TMEM233: variants seen among roughly 807,000 people sequenced by gnomAD.
TMEM233 encodes transmembrane protein 233.
Under a neutral mutation model 11.2 loss-of-function variants are expected in TMEM233, and 6 were observed. The observed-to-expected ratio is 0.54, with a 90% CI of 0.29 to 1.06. The LOEUF (loss-of-function observed/expected upper bound fraction) is 1.06, where lower values mean the gene tolerates loss of function less well. Ranked by LOEUF, TMEM233 falls within the 50% of genes least tolerant of loss-of-function variation. The probability of loss-of-function intolerance (pLI) is 0.08; values close to 1 mark genes in which losing one functional copy is unlikely to be tolerated. For missense variants in TMEM233, 127 were observed against 144.7 expected (o/e 0.88, Z 0.63); for synonymous variants, 59 against 55.8 (o/e 1.06, Z -0.26).
chr12:119,625,297 CAAGG>C (rs1371765858), intron 1 of TMEM233, among the ~76,000 whole-genome samples: 1 of 151,950 alleles, frequency 6.6e-6, no homozygotes, highest in Non-Finnish European at 1.5e-5. Flanking sequence ...ATTTCAGAAT[CAAGG>C]AAGAGGTTCT....
intron 2 of TMEM233, among the ~76,000 whole-genome samples, chr12:119,637,143 C>CT (rs1391253935): frequency 1.3e-5 from 2 of 152,124 alleles, no homozygotes; most frequent in South Asian, 2.1e-4. Context: ...TAAACAGTTG[C>CT]TTTTTTTGTT....
chr12:119,629,861 C>A lies in TMEM233; in HGVS notation c.312C>A (p.His104Gln), dbSNP rs1164827842. The A allele has an allele frequency of 1.9e-6, 3 of 1,550,478 alleles. No individual in the cohort carries two copies. Among genetic ancestry groups the A allele is most frequent in the Non-Finnish European group, 2.6e-6 (3 of 1,146,664 alleles). The change falls in exon 2 of 3, where the codon CAC (histidine) becomes CAA (glutamine). Residue 104 changes from histidine to glutamine, a missense_variant. Physicochemically the swap from His to Gln is conservative, Grantham distance 24. Coordinates refer to ENST00000426426, the MANE Select transcript of TMEM233 (RefSeq NM_001136534.3). ...LLIIGISCAVHFTRNA is the reference protein window; with the variant it reads ...LLIIGISCAVQFTRNA ...TCATCGGCATTTCTTGTGCAGTTCA[C>A]TTCACAAGGAAGTAAGTAGGCTTTT...
rs534135959 is a variant in TMEM233 at position 119,637,945 on chromosome 12, C to G, written c.324-2754C>G. 9.9e-4 allele frequency among the ~76,000 whole-genome samples: 151 copies of G among 152,008 alleles called. 2 individuals are homozygous for G. The highest frequency in any genetic ancestry group is 4.0e-3 in the Admixed American group (61 of 15,280). ...AAAGATGGGTAATATCAAGGTTGACCAGGATGTGAAAAATTTGACACTATA... is the reference window on the plus strand; with the variant it reads ...AAAGATGGGTAATATCAAGGTTGACGAGGATGTGAAAAATTTGACACTATA... On this transcript the variant is annotated intron_variant, in intron 2 of 2. Transcript: ENST00000426426.
At chr12:119,635,531 C>T (rs947602543) in intron 2 of TMEM233, among the ~76,000 whole-genome samples, 1 of 152,174 alleles carries the variant, frequency 6.6e-6, no homozygotes, top group African/African-American at 2.4e-5. Flanking sequence ...CAGCTGTGAG[C>T]AGGTGTGTTT....
At chr12:119,609,356 A>G (rs1189318135) in intron 1 of TMEM233, among the ~76,000 whole-genome samples, 1 of 152,252 alleles carries the variant, frequency 6.6e-6, no homozygotes, top group East Asian at 1.9e-4. Context: ...GAAAATTTGC[A>G]GCCCAGCAAT....
Position 119,614,642 on chromosome 12 carries a change from G to T in TMEM233, c.187-15094G>T, listed in dbSNP as rs367926884. ...TAATTATCCTAAGGGCTTTGTGGAT[G>T]GATGCACTAACTTTTGGTTACATTT... On this transcript the variant is annotated intron_variant, in intron 1 of 2. Transcript: ENST00000426426. Among the ~76,000 whole-genome samples, 16 of 152,230 alleles carry T rather than the reference G, an allele frequency of 1.1e-4. No homozygotes were observed. The South Asian group carries it at 3.3e-3, about 32-fold the overall frequency.
rs772642899 is a variant in TMEM233, at chr12:119,593,838, C to A, written c.-11C>A. 1.0e-5 allele frequency: 16 copies of A among 1,549,626 alleles called. No individual in the cohort carries two copies. The highest frequency in any genetic ancestry group is 1.4e-5 in the Non-Finnish European group (16 of 1,145,680). ...CGCTCCTCCGCCCTCCCGGCGCCGCCGGCCTCGCCCATGTCTCAGTACGCC... is the reference window on the plus strand; with the variant it reads ...CGCTCCTCCGCCCTCCCGGCGCCGCAGGCCTCGCCCATGTCTCAGTACGCC... On this transcript the variant is annotated 5_prime_UTR_variant, in exon 1 of 3. Coordinates refer to ENST00000426426, the MANE Select transcript of TMEM233 (RefSeq NM_001136534.3). This position sits in a 1 kb window ranked among gnomAD's most constrained non-coding sequence, Gnocchi z 4.1.
At chr12:119,644,042 AGT>A (rs1311386362), downstream of TMEM233, among the ~76,000 whole-genome samples, 1 of 152,218 alleles carries the variant, frequency 6.6e-6, no homozygotes, top group Non-Finnish European at 1.5e-5. Flanking sequence ...GTGGAAAGAC[AGT>A]GTTTCTTCCC....
At chr12:119,604,493 T>G (rs947925867) in intron 1 of TMEM233, among the ~76,000 whole-genome samples, 5 of 152,222 alleles carry the variant, frequency 3.3e-5, no homozygotes, top group African/African-American at 1.2e-4. Flanking sequence ...ATACTTTGAT[T>G]CTCACTTTAA....
At chr12:119,604,309 A>G (rs151042418) in intron 1 of TMEM233, among the ~76,000 whole-genome samples, 2 of 152,338 alleles carry the variant, frequency 1.3e-5, no homozygotes, top group East Asian at 3.9e-4. Flanking sequence ...GTTGAGCAAA[A>G]GTTAAGTCTT....
chr12:119,593,965 G>A lies in TMEM233; in HGVS notation c.117G>A (p.Trp39Ter). The change falls in exon 1 of 3, where the codon TGG becomes TGA. Residue 39 changes from tryptophan (W) to a stop codon, truncating the protein, a stop_gained. Coordinates refer to ENST00000426426, the MANE Select transcript of TMEM233 (RefSeq NM_001136534.3). LOFTEE classifies it high-confidence loss of function. This position sits in a 1 kb window ranked among gnomAD's most constrained non-coding sequence, Gnocchi z 4.1. ...TGCCCATGCCCAAGAACTACCTGTG[G>A]CTCACCATCGTCTCGTGTTTTTGCC... Reference protein sequence around the residue: ...EDVPMPKNYLWLTIVSCFCPA... With the variant: ...EDVPMPKNYL The A allele has an allele frequency of 6.4e-7, 1 of 1,551,754 alleles. No homozygotes were observed. Among genetic ancestry groups the A allele is most frequent in the Non-Finnish European group, 8.7e-7 (1 of 1,146,996 alleles).
Position 119,594,143 on chromosome 12 carries a change from C to A in TMEM233, c.186+109C>A. The A allele has an allele frequency of 8.8e-7, 1 of 1,134,798 alleles. No individual in the cohort carries two copies. Among genetic ancestry groups the A allele is most frequent in the Non-Finnish European group, 1.2e-6 (1 of 803,928 alleles). 70.3% of individuals were successfully genotyped at this position (1,134,798 alleles called of 1,614,324 possible). A position where few individuals can be genotyped will look rare whatever the true frequency, so the allele number is the denominator to read the frequency against. On this transcript the variant is annotated intron_variant, in intron 1 of 2. Coordinates refer to ENST00000426426, the MANE Select transcript of TMEM233 (RefSeq NM_001136534.3). The surrounding 1 kb of genome is among the most constrained non-coding windows in gnomAD (Gnocchi z 5.6). The stretch of plus-strand genomic sequence containing the variant: ...GCGGCTCCCTTCCTCACGGCCCGGC[C>A]CGCGCTAGGTGTTCTTTGTCCTCGC...
downstream of TMEM233, among the ~76,000 whole-genome samples, chr12:119,644,347 G>A (rs1451450162): frequency 1.3e-5 from 2 of 152,070 alleles, no homozygotes; most frequent in Non-Finnish European, 2.9e-5. Context: ...CCAGAAGAAG[G>A]AGAGAGATTT....
At chr12:119,604,341 G>A (rs537182241) in intron 1 of TMEM233, among the ~76,000 whole-genome samples, 3 of 152,256 alleles carry the variant, frequency 2.0e-5, no homozygotes, top group East Asian at 1.9e-4. Context: ...GGAGCTTTTC[G>A]GAGCCTTTGG....
At chr12:119,648,666 C>A in the TMEM233 span, among the ~76,000 whole-genome samples, 1 of 152,180 alleles carries the variant, frequency 6.6e-6, no homozygotes, top group Admixed American at 6.5e-5. Flanking sequence ...GGGCAGGGAC[C>A]ATGTTCATCT....
intron 1 of TMEM233, among the ~76,000 whole-genome samples, chr12:119,625,936 T>C (rs1342322051): frequency 6.6e-6 from 1 of 152,188 alleles, no homozygotes; most frequent in East Asian, 1.9e-4. Flanking sequence ...ATATCTGTAA[T>C]TGCTACTTAT....
At chr12:119,629,677 C>A (rs1044254021) in intron 1 of TMEM233, 59 bp from the exon 2 acceptor site, 3 of 1,500,084 alleles carry the variant, frequency 2.0e-6, no homozygotes, top group African/African-American at 2.8e-5. Context: ...GCCTGAGGAC[C>A]TCCATCCCTT....
intron 1 of TMEM233, among the ~76,000 whole-genome samples, chr12:119,628,762 A>C (rs892366515): frequency 1.3e-5 from 2 of 151,076 alleles, no homozygotes; most frequent in Admixed American, 6.6e-5. Flanking sequence ...ATCCTCCCAA[A>C]GTGCTGGGAT....
chr12:119,597,887 G>A (rs1407384264), intron 1 of TMEM233, among the ~76,000 whole-genome samples: 1 of 152,204 alleles, frequency 6.6e-6, no homozygotes, highest in Non-Finnish European at 1.5e-5. Flanking sequence ...GTTCCTGGTA[G>A]CTCATATTGC....
Sources: gnomAD v4.1 joint callset for allele counts (sites outside exome capture counted in the v4.1 genomes callset) on GRCh38, gnomAD v4.1.1 for gene constraint, Gnocchi (gnomAD v3.1) non-coding constraint, MANE v1.5 for transcripts, NCBI Gene and HGNC (gene_info 2026-07-23, HGNC 2026-07-21) for gene names.